KIF9: variants seen among roughly 807,000 people sequenced by gnomAD.
The protein encoded by KIF9 is kinesin-like protein KIF9.
KIF9 carries 68 observed loss-of-function variants against 94.8 expected under a neutral mutation model. That is an observed-to-expected ratio of 0.72 (90% confidence interval 0.59 to 0.88). The LOEUF is 0.88. Ranked by LOEUF, KIF9 falls within the 40% of genes least tolerant of loss-of-function variation. KIF9 has a pLI of 0.00. For synonymous variants in KIF9, 343 were observed against 362.1 expected, an observed-to-expected ratio of 0.95 and a Z score of 0.60; for missense variants, 882 against 982.5, an observed-to-expected ratio of 0.90 and a Z score of 1.37.
Position 47,248,073 on chromosome 3 carries a change from T to C in KIF9, c.1073A>G (p.Asn358Ser). The change falls in exon 11 of 21, where the codon AAC becomes AGC. Residue 358 changes from asparagine to serine, a missense_variant. By Grantham distance (46) the Asn-to-Ser change is conservative. Transcript: ENST00000684063. ...GAGTAGTGCTAGTTCCTTCTCCAGGTTCTTGACCATTCTCTGCCGGGAAAC... is the reference window on the plus strand; with the variant it reads ...GAGTAGTGCTAGTTCCTTCTCCAGGCTCTTGACCATTCTCTGCCGGGAAAC... Reference protein sequence around the residue: ...EKYDAERMVKNLEKELALLKQ... With the variant: ...EKYDAERMVKSLEKELALLKQ... 2 of 1,613,450 alleles carry C rather than the reference T, an allele frequency of 1.2e-6. No homozygotes were observed. Among genetic ancestry groups the C allele is most frequent in the Non-Finnish European group, 1.7e-6 (2 of 1,179,626 alleles).
chr3:47,278,234 GC>G (rs1185099871), intron 1 of KIF9, among the ~76,000 whole-genome samples: 1 of 151,920 alleles, frequency 6.6e-6, no homozygotes, highest in African/African-American at 2.4e-5. Context: ...ACTGTGCCCG[GC>G]TAGTTTTCTT....
chr3:47,254,030 T>G (rs1375964087), intron 10 of KIF9, among the ~76,000 whole-genome samples: 6 of 152,132 alleles, frequency 3.9e-5, no homozygotes, highest in Non-Finnish European at 1.5e-5. Context: ...TAAACAACAT[T>G]TATTGAACAT....
chr3:47,282,645 G>T lies in KIF9; in HGVS notation c.-156C>A. On this transcript the variant is annotated 5_prime_UTR_variant, in exon 1 of 21. Coordinates refer to ENST00000684063, the MANE Select transcript of KIF9 (RefSeq NM_182902.4). ...GAAGTGTCGGGGTGGCGGAAATGAA[G>T]TCCGAGGTCCTACGTCGAGGATACG... 8.5e-7 allele frequency: 1 copy of T among 1,175,848 alleles called. No individual in the cohort carries two copies. Among genetic ancestry groups the T allele is most frequent in the Non-Finnish European group, 1.1e-6 (1 of 943,284 alleles). 72.8% of individuals were successfully genotyped at this position (1,175,848 alleles called of 1,614,324 possible). A position where few individuals can be genotyped will look rare whatever the true frequency, so the allele number is the denominator to read the frequency against.
At position 47,251,634 on chromosome 3, in the gene KIF9, T is replaced by C. The variant is rs537683488; in HGVS notation, c.1060-3548A>G. On this transcript the variant is annotated intron_variant, in intron 10 of 20. Coordinates refer to ENST00000684063, the MANE Select transcript of KIF9 (RefSeq NM_182902.4). The stretch of plus-strand genomic sequence containing the variant: ...ATGCCTTGGAAACAGCACAGACTCA[T>C]GTAAGTTTCCTAATAGGCATTTTCA... 1.7e-4 allele frequency among the ~76,000 whole-genome samples: 26 copies of C among 152,326 alleles called. No individual in the cohort carries two copies. In the South Asian group the frequency reaches 5.0e-3, roughly 29 times the overall value.
At position 47,247,410 on chromosome 3, in the gene KIF9, A is replaced by G; in HGVS notation, c.1196T>C (p.Val399Ala). ...EIQIAEINSQ[V>A]RRYLEGTLDE... is the part of the protein sequence containing the mutation. ...CAGTGTCCCCTCCAGGTACCTCCGC[A>G]CCTGGGAGTTGATCTCAGCAATCTG... Residue 399 changes from valine to alanine, a missense_variant, in exon 12 of 21, where the codon GTG (valine) becomes GCG (alanine). Physicochemically the swap from Val to Ala is moderately conservative, Grantham distance 64. Transcript: ENST00000684063. 1 of 1,613,838 alleles carries G rather than the reference A, an allele frequency of 6.2e-7. No individual in the cohort carries two copies. Among genetic ancestry groups the G allele is most frequent in the African/African-American group, 1.3e-5 (1 of 75,026 alleles).
At chr3:47,245,629 C>T (rs1272773846) in intron 13 of KIF9, 118 bp from the exon 14 acceptor site, 3 of 746,080 alleles carry the variant, frequency 4.0e-6, no homozygotes, top group Non-Finnish European at 7.2e-6. Flanking sequence ...TGGGGCCACA[C>T]CTTCATCATG....
At chr3:47,278,585 T>C (rs981205718) in intron 1 of KIF9, among the ~76,000 whole-genome samples, 1 of 152,094 alleles carries the variant, frequency 6.6e-6, no homozygotes, top group Admixed American at 6.6e-5. Flanking sequence ...TCTTAGCACT[T>C]TGGGAGGCCG....
At position 47,265,847 on chromosome 3, in the gene KIF9, A is replaced by AG. The variant is rs1260754821; in HGVS notation, c.798dup (p.Tyr267LeufsTer77). On this transcript the variant is annotated frameshift_variant, in exon 8 of 21. Transcript: ENST00000684063. LOFTEE classifies it high-confidence loss of function. ...AGGAATGAGAGCGATTTGTTGATGT[A>AG]GGTGGCTTCCTTCAGGACTTGGCCC... 1 of 1,614,176 alleles carries AG rather than the reference A, an allele frequency of 6.2e-7. No homozygotes were observed. The highest frequency in any genetic ancestry group is 1.7e-5 in the Admixed American group (1 of 60,016).
chr3:47,239,132 G>A (rs372941567), intron 17 of KIF9, among the ~76,000 whole-genome samples: 10 of 152,230 alleles, frequency 6.6e-5, no homozygotes, highest in African/African-American at 1.9e-4. Context: ...CCCAGGAGGC[G>A]GAGATTGCAG....
intron 11 of KIF9, 125 bp downstream of exon 11, chr3:47,247,893 G>T: frequency 1.3e-6 from 1 of 761,102 alleles, no homozygotes; most frequent in Non-Finnish European, 2.3e-6. Flanking sequence ...CTGCCACTGA[G>T]CCTGCCCCCC....
At chr3:47,256,486 C>T (rs1054028908) in intron 10 of KIF9, among the ~76,000 whole-genome samples, 1 of 151,588 alleles carries the variant, frequency 6.6e-6, no homozygotes, top group African/African-American at 2.4e-5. Context: ...GGTCAGCCCC[C>T]GCCAGGCCAG....
At chr3:47,241,390 C>T (rs1420163603) in intron 16 of KIF9, among the ~76,000 whole-genome samples, 6 of 151,302 alleles carry the variant, frequency 4.0e-5, no homozygotes, top group East Asian at 1.9e-4. Context: ...GGCACAATCT[C>T]GGCTCACTGC....
intron 9 of KIF9, among the ~76,000 whole-genome samples, chr3:47,259,822 A>C (rs1309450375): frequency 2.7e-5 from 3 of 112,536 alleles, no homozygotes; most frequent in South Asian, 3.6e-4. Flanking sequence ...GGGACACAAA[A>C]ACTGCGGAAG....
chr3:47,258,206 G>T (rs1472745078), intron 9 of KIF9, among the ~76,000 whole-genome samples: 2 of 152,172 alleles, frequency 1.3e-5, no homozygotes, highest in East Asian at 1.9e-4. Flanking sequence ...TTTAACCCAA[G>T]ATATCAAAAA....
Position 47,237,364 on chromosome 3 carries a change from G to A in KIF9, c.1925-745C>T, listed in dbSNP as rs183904123. On this transcript the variant is annotated intron_variant, in intron 17 of 20. Transcript: ENST00000684063. ...CCGCCTCGGCCTCCCAAAGTGGTGG[G>A]ATTACAGGCGTGAGCCACCATGCGC... Among the ~76,000 whole-genome samples the A allele has an allele frequency of 1.3e-3, 194 of 152,328 alleles. 1 individual carries two copies. The highest frequency in any genetic ancestry group is 2.3e-3 in the Non-Finnish European group (159 of 68,040).
chr3:47,242,052 T>G (rs1699606214), intron 16 of KIF9, among the ~76,000 whole-genome samples: 1 of 151,644 alleles, frequency 6.6e-6, no homozygotes, highest in Admixed American at 6.6e-5. Flanking sequence ...CTCAGCTCCC[T>G]TTTAATTTTT....
chr3:47,235,744 T>C, intron 19 of KIF9, 127 bp from the exon 20 acceptor site: 1 of 736,500 alleles, frequency 1.4e-6, no homozygotes, highest in South Asian at 1.6e-5. Context: ...CAAAAGGGCA[T>C]CTCACAGCCC....
intron 7 of KIF9, among the ~76,000 whole-genome samples, 188 bp downstream of exon 7, chr3:47,266,788 C>T (rs971437895): frequency 6.6e-6 from 1 of 152,078 alleles, no homozygotes; most frequent in Non-Finnish European, 1.5e-5. Context: ...AGGTAGGAAC[C>T]GCCCCCAGGT....
At position 47,276,571 on chromosome 3, in the gene KIF9, A is replaced by G. The variant is rs866948564; in HGVS notation, c.93+711T>C. On this transcript the variant is annotated intron_variant, in intron 2 of 20. Transcript: ENST00000684063. ...ACTCTGTCTCAAAAAAAAAAAAAAA[A>G]AAAGAAAAGAAAGAAAGAAAGACTT... is the stretch of plus-strand genomic sequence containing the variant. 4.7e-5 allele frequency among the ~76,000 whole-genome samples: 7 copies of G among 149,784 alleles called. No homozygotes were observed. In the South Asian group the frequency reaches 6.2e-4, roughly 13 times the overall value.
Sources: gnomAD v4.1 joint callset for allele counts (sites outside exome capture counted in the v4.1 genomes callset) on GRCh38, gnomAD v4.1.1 for gene constraint, MANE v1.5 for transcripts, NCBI Gene and HGNC (gene_info 2026-07-23, HGNC 2026-07-21) for gene names.